The following GCNA variants were observed in gnomAD, a reference collection of about 807,000 sequenced individuals.
The protein encoded by GCNA is germ cell nuclear acidic protein.
In GCNA, 3 loss-of-function variants were observed where a neutral mutation model predicts 38.8. The ratio of observed to expected loss-of-function variants is 0.08; its 90% confidence interval spans 0.04 to 0.20. GCNA has a LOEUF of 0.20. GCNA is among the 10% of genes least tolerant of loss of function. GCNA has a pLI of 1.00. For missense variants in GCNA, 446 were observed against 578.6 expected, an observed-to-expected ratio of 0.77 and a Z score of 2.35; for synonymous variants, 195 against 240.2, an observed-to-expected ratio of 0.81 and a Z score of 1.74.
intron 11 of GCNA, among the ~76,000 whole-genome samples, chrX:71,611,190 GCT>G (rs1476505047): frequency 8.9e-6 from 1 of 112,021 alleles, no homozygotes; most frequent in Non-Finnish European, 1.9e-5. Context: ...CCTCATCCCT[GCT>G]CTGTTTGGTC....
chrX:71,613,028 G>T lies in GCNA; in HGVS notation c.*46G>T. On this transcript the variant is annotated 3_prime_UTR_variant, in exon 13 of 13. Transcript: ENST00000373696. The stretch of plus-strand genomic sequence containing the variant: ...GAAGTATTATAGAAAAATTATGCAG[G>T]AGATGGCTAGGATTAGCCTTGGGGA... The T allele has an allele frequency of 8.3e-7, 1 of 1,201,307 alleles. No homozygotes were observed. Among genetic ancestry groups the T allele is most frequent in the South Asian group, 1.8e-5 (1 of 56,217 alleles).
chrX:71,587,410 AT>A (rs2040592630), intron 2 of GCNA, among the ~76,000 whole-genome samples: 1 of 110,935 alleles, frequency 9.0e-6, no homozygotes, highest in Admixed American at 9.6e-5. Flanking sequence ...GATAAGCCTA[AT>A]TGGTACTCTC....
chrX:71,592,937 C>T (rs912387842), intron 4 of GCNA, among the ~76,000 whole-genome samples: 1 of 111,675 alleles, frequency 9.0e-6, no homozygotes, highest in Non-Finnish European at 1.9e-5. Context: ...GAGTCTTGCT[C>T]TGTTGGAATG....
intron 2 of GCNA, among the ~76,000 whole-genome samples, chrX:71,587,546 T>C (rs1040020246): frequency 9.0e-6 from 1 of 111,613 alleles, no homozygotes; most frequent in Admixed American, 9.5e-5. Flanking sequence ...AAAATTATCC[T>C]GTTAGGCTGA....
chrX:71,592,270 C>T, intron 3 of GCNA, 102 bp downstream of exon 3: 1 of 694,057 alleles, frequency 1.4e-6, no homozygotes, highest in Non-Finnish European at 2.2e-6. Context: ...CTAAGTTCGT[C>T]ACCTCTAGGG....
intron 10 of GCNA, 45 bp from the exon 11 acceptor site, chrX:71,610,636 C>A (rs1475202241): frequency 2.5e-6 from 3 of 1,190,666 alleles, no homozygotes; most frequent in African/African-American, 3.5e-5. Flanking sequence ...AACAAAAAAA[C>A]CCAAAACAGC....
rs199881606 is a variant in GCNA, at chrX:71,609,006, G to A, written c.1500G>A (p.Leu500=). The A allele has an allele frequency of 7.6e-5, 92 of 1,209,131 alleles. No individual in the cohort carries two copies. The highest frequency in any genetic ancestry group is 7.1e-4 in the Middle Eastern group (3 of 4,242). Residue 500 remains leucine (L), a synonymous_variant, in exon 10 of 13, where the codon TTG becomes TTA. Coordinates refer to ENST00000373696, the MANE Select transcript of GCNA (RefSeq NM_052957.5). ...AATGCAAAGTCCCTGGATGTTTCTT[G>A]CAAGACCTTGAAAAGTCAAAGAAAT... is the stretch of plus-strand genomic sequence containing the variant. ...TPKCKVPGCF[L]QDLEKSKKYS...
chrX:71,585,978 A>C (rs1414226045), intron 2 of GCNA, among the ~76,000 whole-genome samples: 1 of 109,443 alleles, frequency 9.1e-6, no homozygotes, highest in Non-Finnish European at 1.9e-5. Flanking sequence ...AAGTCCTTGC[A>C]TAGCTTACTG....
At chrX:71,605,763 T>G in intron 9 of GCNA, 34 bp downstream of exon 9, 1 of 1,154,479 alleles carries the variant, frequency 8.7e-7, no homozygotes, top group Non-Finnish European at 1.2e-6. Flanking sequence ...GAACAGGAAT[T>G]TATTGCACAG....
intron 9 of GCNA, among the ~76,000 whole-genome samples, chrX:71,607,196 A>G (rs2040774789): frequency 1.8e-5 from 2 of 112,232 alleles, no homozygotes; most frequent in African/African-American, 6.5e-5. Context: ...CAGAGGGTTC[A>G]GGTTTGCATC....
At chrX:71,609,273 GT>G (rs1777321457) in intron 10 of GCNA, among the ~76,000 whole-genome samples, 156 bp downstream of exon 10, 1 of 112,048 alleles carries the variant, frequency 8.9e-6, no homozygotes, top group African/African-American at 3.2e-5. Context: ...TAGAGAATGT[GT>G]ATGAGTTATA....
At chrX:71,579,028 T>C (rs762208331) in intron 1 of GCNA, among the ~76,000 whole-genome samples, 2 of 69,200 alleles carry the variant, frequency 2.9e-5, no homozygotes, top group Admixed American at 3.3e-4. Flanking sequence ...CCAGTGACGG[T>C]GTGGGGAGAA....
intron 8 of GCNA, 141 bp from the exon 9 acceptor site, chrX:71,605,522 T>C: frequency 2.2e-6 from 1 of 461,844 alleles, no homozygotes; most frequent in Non-Finnish European, 3.8e-6. Context: ...GGCAGCAGTA[T>C]GCCACTTCAG....
chrX:71,612,541 G>T lies in GCNA; in HGVS notation c.1937G>T (p.Cys646Phe). The change falls in exon 12 of 13, where the codon TGT (cysteine) becomes TTT (phenylalanine). Residue 646 changes from cysteine (C) to phenylalanine (F), a missense_variant. By Grantham distance (205) the Cys-to-Phe change is radical. This residue lies in a region of GCNA where 60 missense variants were observed against 111.0 expected (regional missense o/e 0.54). Transcript: ENST00000373696. ...ATTAACTACAAGGTCCATTATGAAT[G>T]TACTGGATGCAAAACGAGGTAAGAC... Reference protein sequence around the residue: ...YKINYKVHYECTGCKTRIGCY... With the variant: ...YKINYKVHYEFTGCKTRIGCY... 2.5e-6 allele frequency: 3 copies of T among 1,209,015 alleles called. No homozygotes were observed. The highest frequency in any genetic ancestry group is 1.7e-5 in the African/African-American group (1 of 57,682).
chrX:71,599,488 C>G (rs1010982743), intron 7 of GCNA, among the ~76,000 whole-genome samples: 1 of 111,826 alleles, frequency 8.9e-6, no homozygotes, highest in Non-Finnish European at 1.9e-5. Context: ...AGGTGCTTTA[C>G]TCCTTAAATC....
chrX:71,591,531 G>A (rs1448446143), intron 2 of GCNA, among the ~76,000 whole-genome samples: 4 of 101,673 alleles, frequency 3.9e-5, no homozygotes, highest in Non-Finnish European at 8.0e-5. Flanking sequence ...CACCCTTAAC[G>A]GGGACCTCCT....
At position 71,610,734 on chromosome X, in the gene GCNA, C is replaced by T; in HGVS notation, c.1665C>T (p.Gly555=). The T allele has an allele frequency of 5.8e-6, 7 of 1,212,309 alleles. No individual in the cohort carries two copies. Among genetic ancestry groups the T allele is most frequent in the Non-Finnish European group, 7.8e-6 (7 of 895,444 alleles). Residue 555 remains glycine (G), a synonymous_variant, in exon 11 of 13, where the codon GGC becomes GGT. Transcript: ENST00000373696. ...GWNNKMVKTA[G]LCSTGEMWYP... is the part of the protein sequence containing the mutation. ...ATAACAAGATGGTGAAAACTGCTGG[C>T]TTATGCAGCACTGGTGAGATGTGGT...
intron 2 of GCNA, among the ~76,000 whole-genome samples, chrX:71,591,507 G>A (rs1029976733): frequency 3.0e-5 from 3 of 101,364 alleles, no homozygotes; most frequent in South Asian, 5.0e-4. Flanking sequence ...ACAGTAGGCT[G>A]TCTCCAAGAA....
intron 2 of GCNA, among the ~76,000 whole-genome samples, chrX:71,583,230 G>T (rs779523702): frequency 8.9e-6 from 1 of 112,411 alleles, no homozygotes; most frequent in South Asian, 3.7e-4. Flanking sequence ...TCTCCGGGAA[G>T]AGCAAGGACA....
Sources: gnomAD v4.1 joint callset for allele counts (sites outside exome capture counted in the v4.1 genomes callset) on GRCh38, gnomAD v4.1.1 for gene constraint, gnomAD v4.1.1 regional missense constraint, MANE v1.5 for transcripts, NCBI Gene and HGNC (gene_info 2026-07-23, HGNC 2026-07-21) for gene names.